Variants in CBFA2T2 observed in about 807,000 individuals in gnomAD.
CBFA2T2 encodes the protein protein CBFA2T2.
CBFA2T2 carries 11 observed loss-of-function variants against 62.2 expected under a neutral mutation model. The observed-to-expected ratio is 0.18, with a 90% CI of 0.11 to 0.29. The LOEUF is 0.29. CBFA2T2 is among the 10% of genes least tolerant of loss of function. The pLI is 1.00. For synonymous variants in CBFA2T2, 295 were observed against 287.5 expected (o/e 1.03, Z -0.27); for missense variants, 592 against 774.1 (o/e 0.76, Z 2.79).
chr20:33,520,843 A>G (rs1213172178), intron 1 of CBFA2T2, among the ~76,000 whole-genome samples: 3 of 151,900 alleles, frequency 2.0e-5, no homozygotes, highest in African/African-American at 7.3e-5. Context: ...GCATAAAATC[A>G]TTTGTTACTC....
At chr20:33,510,345 G>A (rs910134998) in intron 1 of CBFA2T2, among the ~76,000 whole-genome samples, 7 of 151,874 alleles carry the variant, frequency 4.6e-5, no homozygotes, top group East Asian at 3.9e-4. Context: ...CGAGTAGCTG[G>A]GACTACAGGT....
At chr20:33,633,744 C>T (rs1023641151) in intron 8 of CBFA2T2, among the ~76,000 whole-genome samples, 1 of 152,134 alleles carries the variant, frequency 6.6e-6, no homozygotes, top group African/African-American at 2.4e-5. Context: ...GTTCTAACTA[C>T]GTCTATTCTT....
intron 1 of CBFA2T2, among the ~76,000 whole-genome samples, chr20:33,537,199 T>C (rs209668): frequency 0.081 from 12,294 of 152,250 alleles, 1,300 homozygotes; most frequent in African/African-American, 0.22. Flanking sequence ...TGGGCACCAT[T>C]GAGCACTGAG....
intron 4 of CBFA2T2, among the ~76,000 whole-genome samples, chr20:33,622,592 A>G (rs1013869364): frequency 2.0e-5 from 3 of 152,196 alleles, no homozygotes; most frequent in Non-Finnish European, 4.4e-5. Context: ...ATCTTTTTAC[A>G]TTTTACATCA....
chr20:33,627,256 G>A (rs1160976369), intron 6 of CBFA2T2, among the ~76,000 whole-genome samples: 2 of 152,048 alleles, frequency 1.3e-5, no homozygotes, highest in African/African-American at 4.8e-5. Flanking sequence ...AATTAGCTGG[G>A]CGTGGTTACA....
chr20:33,547,868 G>A lies in CBFA2T2; in HGVS notation c.34+57567G>A, dbSNP rs576028860. Among the ~76,000 whole-genome samples, 18 of 152,218 alleles carry A rather than the reference G, an allele frequency of 1.2e-4. 1 individual carries two copies. The South Asian group carries it at 3.3e-3, about 28-fold the overall frequency. ...CTCTCTGTGAAGTGAACATTATTTC[G>A]TTACTAATTTTTATTTATAAAACCA... On this transcript the variant is annotated intron_variant, in intron 1 of 10. Transcript: ENST00000342704.
At chr20:33,571,998 C>G (rs989324673) in intron 1 of CBFA2T2, among the ~76,000 whole-genome samples, 2 of 152,236 alleles carry the variant, frequency 1.3e-5, no homozygotes, top group African/African-American at 4.8e-5. Context: ...TCAAACGATT[C>G]TGCTGCCTCA....
chr20:33,555,405 C>A (rs962076375), intron 1 of CBFA2T2, among the ~76,000 whole-genome samples: 2 of 152,170 alleles, frequency 1.3e-5, no homozygotes, highest in Non-Finnish European at 2.9e-5. Flanking sequence ...AGAGTGTCTT[C>A]ACACTTTTTT....
rs2011739675 is a variant in CBFA2T2 at position 33,521,870 on chromosome 20, ATAATT to A, written c.34+31573_34+31577del. ...TGTTTCTTGGTTGGCATTGAGAAAG[ATAATT>A]TAAGGGTTTTTTGTTTGTTTGTTTA... On this transcript the variant is annotated intron_variant, in intron 1 of 10. Transcript: ENST00000342704. Among the ~76,000 whole-genome samples, 4 of 152,110 alleles carry A rather than the reference ATAATT, an allele frequency of 2.6e-5. No homozygotes were observed. In the South Asian group the frequency reaches 6.2e-4, roughly 24 times the overall value.
At chr20:33,539,960 C>CA (rs2012368970) in intron 1 of CBFA2T2, among the ~76,000 whole-genome samples, 1 of 151,990 alleles carries the variant, frequency 6.6e-6, no homozygotes, top group African/African-American at 2.4e-5. Context: ...TGTGAGCCAC[C>CA]ATGTCTGGCC....
chr20:33,528,587 G>T (rs1456843838), intron 1 of CBFA2T2, among the ~76,000 whole-genome samples: 2 of 152,186 alleles, frequency 1.3e-5, no homozygotes, highest in African/African-American at 2.4e-5. Flanking sequence ...CAGCCCATGC[G>T]TGTGGAATCA....
At chr20:33,526,321 GA>G (rs1391733302) in intron 1 of CBFA2T2, among the ~76,000 whole-genome samples, 1 of 152,160 alleles carries the variant, frequency 6.6e-6, no homozygotes, top group East Asian at 1.9e-4. Context: ...ACATAAAAAA[GA>G]AGGTGTGTAC....
chr20:33,630,283 G>A (rs540836754), intron 8 of CBFA2T2, among the ~76,000 whole-genome samples: 10 of 152,126 alleles, frequency 6.6e-5, no homozygotes, highest in East Asian at 1.9e-4. Flanking sequence ...TTAATTCTTC[G>A]TGGAGAATGA....
chr20:33,491,747 A>G (rs2011148042), intron 1 of CBFA2T2, among the ~76,000 whole-genome samples: 3 of 151,576 alleles, frequency 2.0e-5, no homozygotes, highest in Non-Finnish European at 4.4e-5. Context: ...TGTCGCCCAG[A>G]CTGGAGTGCA....
At chr20:33,640,251 TTG>T in intron 9 of CBFA2T2, 88 bp from the exon 10 acceptor site, 1 of 1,173,146 alleles carries the variant, frequency 8.5e-7, no homozygotes, top group Non-Finnish European at 1.2e-6. Flanking sequence ...AAAGATCACT[TTG>T]TGTCAGCTCT....
chr20:33,575,129 G>A (rs921608079), intron 1 of CBFA2T2, among the ~76,000 whole-genome samples: 9 of 152,176 alleles, frequency 5.9e-5, no homozygotes, highest in Admixed American at 6.5e-5. Flanking sequence ...GGTTGTTTGC[G>A]CAGACTGACT....
chr20:33,520,387 T>G (rs1386592312), intron 1 of CBFA2T2, among the ~76,000 whole-genome samples: 2 of 152,200 alleles, frequency 1.3e-5, no homozygotes, highest in East Asian at 3.8e-4. Context: ...TATATTGTCT[T>G]GGTAACCAAG....
chr20:33,617,976 T>C (rs1196637319), intron 3 of CBFA2T2, among the ~76,000 whole-genome samples: 1 of 152,182 alleles, frequency 6.6e-6, no homozygotes, highest in Non-Finnish European at 1.5e-5. Context: ...TGATATAATA[T>C]GCATGTGTGT....
intron 1 of CBFA2T2, among the ~76,000 whole-genome samples, chr20:33,583,939 T>C (rs778493886): frequency 1.8e-4 from 27 of 151,978 alleles, no homozygotes; most frequent in Non-Finnish European, 2.9e-4. Flanking sequence ...TATTTGTTTG[T>C]TTGTTTGTTT....
Sources: gnomAD v4.1 joint callset for allele counts (sites outside exome capture counted in the v4.1 genomes callset) on GRCh38, gnomAD v4.1.1 for gene constraint, MANE v1.5 for transcripts, NCBI Gene and HGNC (gene_info 2026-07-23, HGNC 2026-07-21) for gene names.